PCDH15: variants seen among roughly 807,000 people sequenced by gnomAD.
PCDH15 encodes the protein protocadherin-15.
Under a neutral mutation model 178.5 loss-of-function variants are expected in PCDH15, and 129 were observed. That is an observed-to-expected ratio of 0.72 (90% CI 0.63 to 0.84). PCDH15 has a LOEUF of 0.84. Among genes scored for constraint, PCDH15 ranks in the 40% least tolerant of loss-of-function variants. PCDH15 has a pLI of 0.00. For synonymous variants in PCDH15, 800 were observed against 732.0 expected, an observed-to-expected ratio of 1.09 and a Z score of -1.50; for missense variants, 2,230 against 2,099.9, an observed-to-expected ratio of 1.06 and a Z score of -1.21.
At chr10:54,375,920 A>G (rs1264759017) in intron 4 of PCDH15, among the ~76,000 whole-genome samples, 1 of 148,966 alleles carries the variant, frequency 6.7e-6, no homozygotes, top group Non-Finnish European at 1.5e-5. Context: ...TTTGAGACGG[A>G]GTCACACTCT....
intron 2 of PCDH15, among the ~76,000 whole-genome samples, chr10:55,136,150 T>C (rs1179799164): frequency 3.3e-5 from 5 of 152,144 alleles, no homozygotes; most frequent in Non-Finnish European, 7.3e-5. Flanking sequence ...AAGGCATTTA[T>C]GTAAATATAA....
chr10:54,139,206 T>C (rs923181000), intron 14 of PCDH15, among the ~76,000 whole-genome samples: 1 of 152,058 alleles, frequency 6.6e-6, no homozygotes, highest in African/African-American at 2.4e-5. Context: ...ATGAGACTAA[T>C]GTAATGTTGT....
intron 1 of PCDH15, among the ~76,000 whole-genome samples, chr10:55,252,360 C>A (rs1004667838): frequency 2.0e-5 from 3 of 151,872 alleles, no homozygotes; most frequent in Non-Finnish European, 2.9e-5. Flanking sequence ...ATGTCTGTGC[C>A]CTAGATGTAA....
intron 2 of PCDH15, among the ~76,000 whole-genome samples, chr10:54,925,220 C>T (rs1837587511): frequency 6.6e-6 from 1 of 152,118 alleles, no homozygotes; most frequent in Non-Finnish European, 1.5e-5. Flanking sequence ...TTGTTACTTG[C>T]TTTTGTTGAC....
intron 2 of PCDH15, among the ~76,000 whole-genome samples, chr10:55,037,259 AG>A (rs1437087372): frequency 1.6e-4 from 24 of 152,062 alleles, no homozygotes; most frequent in African/African-American, 5.5e-4. Context: ...TTTGAGACGG[AG>A]TCTCGCTCTG....
At chr10:54,729,538 C>G (rs987414573) in intron 1 of PCDH15, among the ~76,000 whole-genome samples, 1 of 151,530 alleles carries the variant, frequency 6.6e-6, no homozygotes, top group Non-Finnish European at 1.5e-5. Flanking sequence ...GCAATAAAAA[C>G]AAAAATTGAC....
chr10:53,964,954 A>G (rs2610907), intron 21 of PCDH15, among the ~76,000 whole-genome samples: 24 of 152,178 alleles, frequency 1.6e-4, no homozygotes, highest in African/African-American at 5.5e-4. Context: ...TAATAACAAG[A>G]GTTGTTAGCT....
intron 32 of PCDH15, chr10:53,823,848 A>G: frequency 2.2e-6 from 1 of 451,044 alleles, no homozygotes; most frequent in South Asian, 1.6e-5. Context: ...CATGTGGAAT[A>G]TCCTGTTCTC....
At chr10:54,163,020 T>G (rs2045871303) in intron 13 of PCDH15, among the ~76,000 whole-genome samples, 1 of 151,862 alleles carries the variant, frequency 6.6e-6, no homozygotes, top group Non-Finnish European at 1.5e-5. Context: ...AGGTGAACAG[T>G]AAAGTTATAT....
At chr10:53,887,857 C>T (rs1170823161) in intron 26 of PCDH15, among the ~76,000 whole-genome samples, 1 of 151,998 alleles carries the variant, frequency 6.6e-6, no homozygotes, top group African/African-American at 2.4e-5. Flanking sequence ...CCACCGCACT[C>T]CAGCCTGGGC....
At chr10:54,501,552 C>T (rs2080691732) in intron 3 of PCDH15, among the ~76,000 whole-genome samples, 1 of 152,106 alleles carries the variant, frequency 6.6e-6, no homozygotes, top group Non-Finnish European at 1.5e-5. Flanking sequence ...AATCCTTATG[C>T]TTCTTTCTAC....
intron 2 of PCDH15, among the ~76,000 whole-genome samples, chr10:55,428,510 T>A (rs1357922296): frequency 6.6e-6 from 1 of 151,886 alleles, no homozygotes; most frequent in Non-Finnish European, 1.5e-5. Flanking sequence ...ATGCAATATA[T>A]ACTGCATTAT....
chr10:54,342,501 C>A (rs1488275821), intron 6 of PCDH15, among the ~76,000 whole-genome samples: 2 of 152,166 alleles, frequency 1.3e-5, no homozygotes, highest in Non-Finnish European at 2.9e-5. Flanking sequence ...CATGTCCAGG[C>A]AGATATCTGC....
chr10:54,874,496 C>T (rs181602594), intron 3 of PCDH15, among the ~76,000 whole-genome samples: 2 of 152,072 alleles, frequency 1.3e-5, no homozygotes, highest in East Asian at 1.9e-4. Flanking sequence ...AGGACATAGG[C>T]GTGGGCAAGG....
At chr10:54,896,914 T>C (rs568524978) in intron 3 of PCDH15, among the ~76,000 whole-genome samples, 1 of 152,288 alleles carries the variant, frequency 6.6e-6, no homozygotes, top group African/African-American at 2.4e-5. Flanking sequence ...GTGACTCCAA[T>C]AAGCAATTAC....
At chr10:54,945,351 T>TATATAGATAGATA (rs36018565) in intron 2 of PCDH15, among the ~76,000 whole-genome samples, 22 of 138,104 alleles carry the variant, frequency 1.6e-4, no homozygotes, top group Non-Finnish European at 3.2e-4. Flanking sequence ...GATAGATAGA[T>TATATAGATAGATA]GATAGATAGA....
Position 55,438,792 on chromosome 10 carries a change from G to T in PCDH15, c.-156+188833C>A, listed in dbSNP as rs1251580897. Among the ~76,000 whole-genome samples the T allele has an allele frequency of 3.9e-5, 6 of 151,916 alleles. No homozygotes were observed. The East Asian group carries it at 9.7e-4, about 24-fold the overall frequency. ...AAATTAATATTTTTGTTCTATTAAA[G>T]AAATCCTTCCTGAAATGGGGTCAGG... On this transcript the variant is annotated intron_variant, in intron 2 of 5. Coordinates refer to the PCDH15 transcript ENST00000613346.
intron 15 of PCDH15, among the ~76,000 whole-genome samples, chr10:54,127,328 A>G (rs2042067981): frequency 6.6e-6 from 1 of 152,154 alleles, no homozygotes; most frequent in African/African-American, 2.4e-5. Flanking sequence ...TTCTCTTGGG[A>G]TGACCTCGCC....
At chr10:54,370,060 T>C (rs980063895) in intron 4 of PCDH15, among the ~76,000 whole-genome samples, 3 of 151,998 alleles carry the variant, frequency 2.0e-5, no homozygotes, top group African/African-American at 7.2e-5. Context: ...CATAAGCATA[T>C]GCTTACTTAT....
Sources: gnomAD v4.1 joint callset for allele counts (sites outside exome capture counted in the v4.1 genomes callset) on GRCh38, gnomAD v4.1.1 for gene constraint, MANE v1.5 for transcripts, NCBI Gene and HGNC (gene_info 2026-07-23, HGNC 2026-07-21) for gene names.